DRD3: variants seen among roughly 807,000 people sequenced by gnomAD.
The protein encoded by DRD3 is dopamine receptor D3.
Under a neutral mutation model 36.3 loss-of-function variants are expected in DRD3, and 19 were observed. The observed-to-expected ratio is 0.52, with a 90% CI of 0.36 to 0.77. DRD3 has a LOEUF of 0.77. Among genes scored for constraint, DRD3 ranks in the 30% least tolerant of loss-of-function variants. The probability of loss-of-function intolerance (pLI) is 0.00; values close to 1 mark genes in which losing one functional copy is unlikely to be tolerated. For missense variants in DRD3, 465 were observed against 505.3 expected (o/e 0.92, Z 0.77); for synonymous variants, 195 against 203.7 (o/e 0.96, Z 0.36).
At chr3:114,182,303 G>T (rs1328178699), upstream of DRD3, among the ~76,000 whole-genome samples, 2 of 151,870 alleles carry the variant, frequency 1.3e-5, no homozygotes, top group Non-Finnish European at 2.9e-5. Flanking sequence ...TACAGTTCTT[G>T]AAAGAAAAAT....
chr3:114,179,682 CT>C (rs528934511), upstream of DRD3, among the ~76,000 whole-genome samples: 1 of 151,962 alleles, frequency 6.6e-6, no homozygotes, highest in Non-Finnish European at 1.5e-5. Context: ...TTCTCTCTCT[CT>C]TTTTTTTCTC....
intron 3 of DRD3, among the ~76,000 whole-genome samples, chr3:114,148,199 C>T (rs2077585739): frequency 6.6e-6 from 1 of 152,118 alleles, no homozygotes; most frequent in Non-Finnish European, 1.5e-5. Flanking sequence ...CCAGCATAAC[C>T]GGCCTTACTG....
intron 2 of DRD3, among the ~76,000 whole-genome samples, chr3:114,169,683 T>C (rs1235292868): frequency 6.6e-6 from 1 of 152,116 alleles, no homozygotes; most frequent in East Asian, 1.9e-4. Flanking sequence ...AGATTTCCTG[T>C]CATTTTCTAT....
In DRD3 at chr3:114,127,885, G is replaced by A. The variant is rs1263084589; in HGVS notation, c.*831C>T. Among the ~76,000 whole-genome samples, 2 of 152,204 alleles carry A rather than the reference G, an allele frequency of 1.3e-5. No homozygotes were observed. Among genetic ancestry groups the A allele is most frequent in the Admixed American group, 6.5e-5 (1 of 15,286 alleles). On this transcript the variant is annotated 3_prime_UTR_variant, in exon 7 of 7. Transcript: ENST00000383673. ...GCAGAAATGGAGATGCCCTGGGTAG[G>A]AAAATTTGGTAGTGTTATGAAAAGC...
At chr3:114,145,029 T>C (rs1255606264) in intron 4 of DRD3, among the ~76,000 whole-genome samples, 2 of 152,110 alleles carry the variant, frequency 1.3e-5, no homozygotes, top group Admixed American at 6.5e-5. Context: ...TAATGTCAGC[T>C]TTTGAGATTG....
chr3:114,160,458 A>G (rs2077722270), intron 2 of DRD3, among the ~76,000 whole-genome samples: 1 of 152,148 alleles, frequency 6.6e-6, no homozygotes, highest in Admixed American at 6.5e-5. Context: ...CCAAGGTTTG[A>G]GAATCACTGT....
At chr3:114,196,936 T>C (rs9881381) in intron 1 of DRD3, among the ~76,000 whole-genome samples, 5,490 of 151,930 alleles carry the variant, frequency 0.036, 138 homozygotes, top group Non-Finnish European at 0.046. Flanking sequence ...TCTGTCTTTT[T>C]ATGCACCTAA....
intron 1 of DRD3, among the ~76,000 whole-genome samples, chr3:114,190,462 ATTTTTTTTTTTTTTTTTTTTTTTT>A (rs55938654): frequency 3.0e-3 from 24 of 8,064 alleles, no homozygotes; most frequent in African/African-American, 9.0e-3. Flanking sequence ...ATATATATAT[ATTTTTTTTTTTTTTTTTTTTTTTT>A]TTTTTTTTTT....
intron 4 of DRD3, among the ~76,000 whole-genome samples, chr3:114,143,970 G>A (rs2107843187): frequency 6.6e-6 from 1 of 152,328 alleles, no homozygotes; most frequent in Non-Finnish European, 1.5e-5. Context: ...CAATGAAAGG[G>A]TTGGGCTGCT....
intron 3 of DRD3, among the ~76,000 whole-genome samples, chr3:114,158,271 A>G (rs2077701330): frequency 6.9e-6 from 1 of 145,530 alleles, no homozygotes; most frequent in Non-Finnish European, 1.5e-5. Flanking sequence ...AAAAAAAAGG[A>G]ATATAATTGC....
At chr3:114,195,696 A>C (rs1201471946) in intron 1 of DRD3, among the ~76,000 whole-genome samples, 9 of 152,314 alleles carry the variant, frequency 5.9e-5, no homozygotes, top group African/African-American at 1.9e-4. Context: ...GTATATTGCC[A>C]TTTTGAATAG....
At chr3:114,186,274 T>G (rs1350377254) in intron 1 of DRD3, among the ~76,000 whole-genome samples, 1 of 152,184 alleles carries the variant, frequency 6.6e-6, no homozygotes, top group Non-Finnish European at 1.5e-5. Context: ...ATTACAGGCA[T>G]GTGCCACCAT....
intron 4 of DRD3, among the ~76,000 whole-genome samples, chr3:114,142,909 T>C (rs1474050123): frequency 6.6e-6 from 1 of 152,224 alleles, no homozygotes; most frequent in Non-Finnish European, 1.5e-5. Context: ...ATGTCCCCAT[T>C]GCAGGCAGAG....
intron 2 of DRD3, among the ~76,000 whole-genome samples, chr3:114,162,728 T>C (rs764442234): frequency 6.6e-6 from 1 of 152,194 alleles, no homozygotes; most frequent in Non-Finnish European, 1.5e-5. Context: ...AGCATTGGAA[T>C]GTAGGTTGTT....
chr3:114,181,453 C>T (rs930359454), upstream of DRD3, among the ~76,000 whole-genome samples: 1 of 152,188 alleles, frequency 6.6e-6, no homozygotes, highest in Admixed American at 6.5e-5. Context: ...ATTCATACAA[C>T]AACAAACAAT....
chr3:114,149,589 A>G (rs1429326554), intron 3 of DRD3, among the ~76,000 whole-genome samples: 1 of 152,200 alleles, frequency 6.6e-6, no homozygotes, highest in Admixed American at 6.5e-5. Flanking sequence ...ATAATGCAAT[A>G]TCACTCCTGT....
chr3:114,155,854 C>G (rs2077662147), intron 3 of DRD3, among the ~76,000 whole-genome samples: 1 of 152,060 alleles, frequency 6.6e-6, no homozygotes, highest in Non-Finnish European at 1.5e-5. Context: ...CATTCTCTGA[C>G]GTCCTTTCCG....
At chr3:114,175,374 C>G (rs2077888000) in intron 1 of DRD3, among the ~76,000 whole-genome samples, 1 of 152,060 alleles carries the variant, frequency 6.6e-6, no homozygotes, top group Non-Finnish European at 1.5e-5. Flanking sequence ...TGGTGGCATT[C>G]ATGCTTAAAC....
intron 5 of DRD3, among the ~76,000 whole-genome samples, chr3:114,133,267 G>T (rs2077446727): frequency 6.6e-6 from 1 of 152,202 alleles, no homozygotes; most frequent in African/African-American, 2.4e-5. Context: ...GGGATTACAG[G>T]CGTGAGCCAC....
Sources: gnomAD v4.1 joint callset for allele counts (sites outside exome capture counted in the v4.1 genomes callset) on GRCh38, gnomAD v4.1.1 for gene constraint, MANE v1.5 for transcripts, NCBI Gene and HGNC (gene_info 2026-07-23, HGNC 2026-07-21) for gene names.